The following EXOC4 variants were observed in gnomAD, a reference collection of about 807,000 sequenced individuals.
The protein encoded by EXOC4 is exocyst complex component 4, also known as SEC8-like 1.
EXOC4 carries 71 observed loss-of-function variants against 107.2 expected under a neutral mutation model. That is an observed-to-expected ratio of 0.66 (90% CI 0.55 to 0.81). The LOEUF is 0.81. Ranked by LOEUF, EXOC4 falls within the 30% of genes least tolerant of loss-of-function variation. EXOC4 has a pLI of 0.00. For synonymous variants in EXOC4, 456 were observed against 441.2 expected (o/e 1.03, Z -0.42); for missense variants, 1,108 against 1,189.6 (o/e 0.93, Z 1.01).
intron 9 of EXOC4, among the ~76,000 whole-genome samples, chr7:133,605,241 G>C (rs10224645): frequency 4.6e-5 from 7 of 152,122 alleles, no homozygotes; most frequent in Non-Finnish European, 1.0e-4. Context: ...AGATACAAGA[G>C]CAAACAAAAC....
At chr7:133,341,854 T>A (rs1191996377) in intron 5 of EXOC4, among the ~76,000 whole-genome samples, 1 of 152,156 alleles carries the variant, frequency 6.6e-6, no homozygotes, top group African/African-American at 2.4e-5. Context: ...ATAGCTATTC[T>A]TGCTCACATT....
At chr7:133,410,330 G>C (rs766459611) in intron 7 of EXOC4, among the ~76,000 whole-genome samples, 6 of 152,300 alleles carry the variant, frequency 3.9e-5, no homozygotes, top group South Asian at 4.1e-4. Flanking sequence ...GAAATTAAGA[G>C]TTTTGTGCAG....
At chr7:133,385,000 T>G (rs1156952460) in intron 7 of EXOC4, among the ~76,000 whole-genome samples, 1 of 152,110 alleles carries the variant, frequency 6.6e-6, no homozygotes, top group African/African-American at 2.4e-5. Context: ...GGTTAGAAGG[T>G]CCAAGAAGAC....
At chr7:133,418,764 A>G (rs1797535638) in intron 7 of EXOC4, among the ~76,000 whole-genome samples, 1 of 152,200 alleles carries the variant, frequency 6.6e-6, no homozygotes, top group Admixed American at 6.5e-5. Context: ...ATTGTTAGAT[A>G]TAAGATGAAT....
In EXOC4 at chr7:133,404,654, T is replaced by C. The variant is rs75579721; in HGVS notation, c.1182+29652T>C. Among the ~76,000 whole-genome samples the C allele has an allele frequency of 1.7e-4, 26 of 152,290 alleles. No individual in the cohort carries two copies. The East Asian group carries it at 5.0e-3, about 29-fold the overall frequency. Reference sequence around the variant, plus strand: ...TTTCTTGGCTCAACTGGGAACTTTCTTGGGGCCATGACTCTGACCTGTGCA... The same window carrying C: ...TTTCTTGGCTCAACTGGGAACTTTCCTGGGGCCATGACTCTGACCTGTGCA... On this transcript the variant is annotated intron_variant, in intron 7 of 17. Transcript: ENST00000253861.
chr7:134,034,365 T>A (rs12531713), intron 17 of EXOC4, among the ~76,000 whole-genome samples: 2 of 152,104 alleles, frequency 1.3e-5, no homozygotes, highest in Non-Finnish European at 1.5e-5. Flanking sequence ...AGAAGCACCC[T>A]CTTTGAGAGG....
At chr7:133,653,961 T>G (rs757065974) in intron 10 of EXOC4, among the ~76,000 whole-genome samples, 5 of 152,150 alleles carry the variant, frequency 3.3e-5, no homozygotes, top group Non-Finnish European at 5.9e-5. Flanking sequence ...TAACTACAAT[T>G]AAGAAACCTA....
At position 133,857,271 on chromosome 7, in the gene EXOC4, A is replaced by T. The variant is rs1466876186; in HGVS notation, c.1735-38328A>T. Among the ~76,000 whole-genome samples, 2 of 40,166 alleles carry T rather than the reference A, an allele frequency of 5.0e-5. 1 individual carries two copies. The highest frequency in any genetic ancestry group is 7.8e-5 in the Non-Finnish European group (2 of 25,600). 26.4% of individuals were successfully genotyped at this position (40,166 alleles called of 152,430 possible). On this transcript the variant is annotated intron_variant, in intron 11 of 17. Coordinates refer to ENST00000253861, the MANE Select transcript of EXOC4 (RefSeq NM_021807.4). Reference sequence around the variant, plus strand: ...TATATATATATATATATATATATATATACACGTATATATATATATATATAT... The same window carrying T: ...TATATATATATATATATATATATATTTACACGTATATATATATATATATAT...
intron 7 of EXOC4, among the ~76,000 whole-genome samples, chr7:133,434,149 T>C (rs1370698602): frequency 6.6e-6 from 1 of 152,166 alleles, no homozygotes. Context: ...AATCCTACTG[T>C]GTAGGTTCAT....
At chr7:133,478,126 CT>C (rs371600820) in intron 8 of EXOC4, among the ~76,000 whole-genome samples, 243 of 143,524 alleles carry the variant, frequency 1.7e-3, no homozygotes, top group South Asian at 0.013. Flanking sequence ...CTTTTCTTTT[CT>C]TTTTTTTTTT....
At chr7:134,007,591 A>G in intron 16 of EXOC4, 85 bp from the exon 17 acceptor site, 3 of 1,298,082 alleles carry the variant, frequency 2.3e-6, no homozygotes, top group South Asian at 3.4e-5. Context: ...GGATTAGAAG[A>G]CAGCAATTCT....
At chr7:134,061,020 T>C (rs145956104) in intron 17 of EXOC4, among the ~76,000 whole-genome samples, 105 of 152,274 alleles carry the variant, frequency 6.9e-4, no homozygotes, top group African/African-American at 2.4e-3. Context: ...AAGGTCTTCA[T>C]TGCACAGAGG....
At chr7:133,681,152 C>G (rs1794178350) in intron 10 of EXOC4, among the ~76,000 whole-genome samples, 1 of 152,126 alleles carries the variant, frequency 6.6e-6, no homozygotes, top group African/African-American at 2.4e-5. Context: ...AGCCCCGTCT[C>G]CTTTGATGAT....
intron 10 of EXOC4, among the ~76,000 whole-genome samples, chr7:133,784,748 C>T (rs568658623): frequency 5.9e-5 from 9 of 152,162 alleles, no homozygotes; most frequent in African/African-American, 2.2e-4. Context: ...TATTGAAAGC[C>T]AGTTGAGCAT....
intron 17 of EXOC4, among the ~76,000 whole-genome samples, chr7:134,025,328 G>T (rs769217683): frequency 4.6e-5 from 7 of 152,038 alleles, no homozygotes; most frequent in Non-Finnish European, 7.4e-5. Flanking sequence ...ATTTTTTAAA[G>T]AAAAAGCAAA....
chr7:134,030,315 G>A (rs1470076667), intron 17 of EXOC4, among the ~76,000 whole-genome samples: 1 of 152,178 alleles, frequency 6.6e-6, no homozygotes, highest in Non-Finnish European at 1.5e-5. Flanking sequence ...ATAGCCAAAA[G>A]GTAGAAACAA....
intron 13 of EXOC4, among the ~76,000 whole-genome samples, chr7:133,936,640 TTTTTTGTTTTGTTTTG>T (rs1233034825): frequency 6.6e-6 from 1 of 152,170 alleles, no homozygotes; most frequent in Non-Finnish European, 1.5e-5. Context: ...CTCAGTCATC[TTTTTTGTTTTGTTTTG>T]TTTTTGTTTT....
At chr7:133,545,057 G>A (rs1457242657) in intron 9 of EXOC4, among the ~76,000 whole-genome samples, 2 of 151,510 alleles carry the variant, frequency 1.3e-5, no homozygotes, top group Non-Finnish European at 2.9e-5. Context: ...AAATTTGTGA[G>A]GGATGAAAAG....
rs1314293444 is a variant in EXOC4, at chr7:133,834,544, C to T, written c.1734+17000C>T. ...CTGGCCAAGGAGGCACCCCTCTGCG[C>T]AGAAGTAAAATTGTTTTTCTAAGAA... is the stretch of plus-strand genomic sequence containing the variant. On this transcript the variant is annotated intron_variant, in intron 11 of 17. Transcript: ENST00000253861. 2.0e-5 allele frequency among the ~76,000 whole-genome samples: 3 copies of T among 152,224 alleles called. No individual in the cohort carries two copies. In the East Asian group the frequency reaches 5.8e-4, roughly 29 times the overall value.
Sources: gnomAD v4.1 joint callset for allele counts (sites outside exome capture counted in the v4.1 genomes callset) on GRCh38, gnomAD v4.1.1 for gene constraint, MANE v1.5 for transcripts, NCBI Gene and HGNC (gene_info 2026-07-23, HGNC 2026-07-21) for gene names.